PLLP: variants seen among roughly 807,000 people sequenced by gnomAD.
PLLP encodes the protein plasma membrane proteolipid (plasmolipin).
Under a neutral mutation model 19.7 loss-of-function variants are expected in PLLP, and 15 were observed. The observed-to-expected ratio is 0.76, with a 90% CI of 0.51 to 1.17. PLLP has a LOEUF of 1.17. Among genes scored for constraint, PLLP ranks in the 50% most tolerant of loss-of-function variants. The pLI, the probability that PLLP is intolerant of heterozygous loss-of-function variation, is 0.00. For missense variants in PLLP, 255 were observed against 258.3 expected, an observed-to-expected ratio of 0.99 and a Z score of 0.09; for synonymous variants, 111 against 116.3, an observed-to-expected ratio of 0.95 and a Z score of 0.29.
intron 3 of PLLP, among the ~76,000 whole-genome samples, chr16:57,258,042 G>A (rs911846231): frequency 6.6e-5 from 10 of 151,868 alleles, no homozygotes; most frequent in African/African-American, 2.2e-4. Context: ...TTAGCCAGGC[G>A]TGAGACTCCA....
At chr16:57,283,929 G>A (rs1201477649) in intron 1 of PLLP, among the ~76,000 whole-genome samples, 3 of 152,162 alleles carry the variant, frequency 2.0e-5, no homozygotes, top group Non-Finnish European at 2.9e-5. Context: ...CGCTGGGAGC[G>A]GGACAGAAGG....
intron 1 of PLLP, among the ~76,000 whole-genome samples, chr16:57,268,398 A>G (rs561149525): frequency 6.6e-6 from 1 of 152,266 alleles, no homozygotes; most frequent in South Asian, 2.1e-4. Flanking sequence ...CAACTTAACT[A>G]GCTGTGTGAC....
At position 57,256,239 on chromosome 16, in the gene PLLP, T is replaced by C. The variant is rs898625040; in HGVS notation, c.*674A>G. 1 of 392,558 alleles carries C rather than the reference T, an allele frequency of 2.5e-6. No individual in the cohort carries two copies. The highest frequency in any genetic ancestry group is 4.5e-6 in the Non-Finnish European group (1 of 222,962). The allele number at this position is 392,558 out of a possible 1,614,324, so 24.3% of individuals were successfully genotyped here. On this transcript the variant is annotated 3_prime_UTR_variant, in exon 4 of 4. Transcript: ENST00000219207. ...AGCAAGGTCGGGGAGGCACCGATGT[T>C]AGCTTCGCCCAAAGGGAGTATTACA...
At chr16:57,276,691 T>A (rs530605589) in intron 1 of PLLP, among the ~76,000 whole-genome samples, 2 of 151,944 alleles carry the variant, frequency 1.3e-5, no homozygotes, top group South Asian at 4.2e-4. Flanking sequence ...GTGTGTTAAA[T>A]CACCATGTTG....
At chr16:57,283,935 G>A (rs1597967756) in intron 1 of PLLP, among the ~76,000 whole-genome samples, 1 of 152,230 alleles carries the variant, frequency 6.6e-6, no homozygotes, top group Admixed American at 6.5e-5. Flanking sequence ...GAGCGGGACA[G>A]AAGGTGGTCA....
intron 1 of PLLP, among the ~76,000 whole-genome samples, chr16:57,277,481 C>A (rs1171797998): frequency 6.6e-6 from 1 of 152,114 alleles, no homozygotes; most frequent in African/African-American, 2.4e-5. Flanking sequence ...ATCCCAGCTA[C>A]TTAAGAGGCT....
At chr16:57,281,372 T>C (rs1470643572) in intron 1 of PLLP, among the ~76,000 whole-genome samples, 1 of 152,202 alleles carries the variant, frequency 6.6e-6, no homozygotes, top group Non-Finnish European at 1.5e-5. Flanking sequence ...GCCTGATAGA[T>C]GGGAGCTACC....
chr16:57,269,912 C>T (rs1297321107), intron 1 of PLLP, among the ~76,000 whole-genome samples: 1 of 152,004 alleles, frequency 6.6e-6, no homozygotes, highest in Non-Finnish European at 1.5e-5. Context: ...ATTACAGGTG[C>T]GTGCCACCAC....
chr16:57,284,345 C>T, intron 1 of PLLP, 61 bp downstream of exon 1: 1 of 1,280,598 alleles, frequency 7.8e-7, no homozygotes, highest in Non-Finnish European at 1.0e-6. Context: ...CGGAGTCCCT[C>T]ACCCATCCTG....
intron 1 of PLLP, 64 bp from the exon 2 acceptor site, chr16:57,262,134 A>C: frequency 6.6e-7 from 1 of 1,522,864 alleles, no homozygotes; most frequent in Non-Finnish European, 9.1e-7. Context: ...CTAGCTAAGA[A>C]ATACTGGCCA....
At chr16:57,258,355 C>G in intron 3 of PLLP, 107 bp downstream of exon 3, 1 of 1,163,624 alleles carries the variant, frequency 8.6e-7, no homozygotes, top group South Asian at 1.4e-5. Context: ...GTTCAGGTGA[C>G]AACCCCTCAG....
chr16:57,283,194 C>T (rs1181255809), intron 1 of PLLP, among the ~76,000 whole-genome samples: 1 of 152,182 alleles, frequency 6.6e-6, no homozygotes, highest in Non-Finnish European at 1.5e-5. Flanking sequence ...TCCGATTGCA[C>T]ATTTTTTTCC....
At position 57,258,595 on chromosome 16, in the gene PLLP, T is replaced by G. The variant is rs375832373; in HGVS notation, c.310-11A>C. On this transcript the variant is annotated splice_polypyrimidine_tract_variant and intron_variant, in intron 2 of 3. Coordinates refer to ENST00000219207, the MANE Select transcript of PLLP (RefSeq NM_015993.3). ...GTTAAAGATCATTAACTGCAGGACATGGGGGTAGGGAGTGGGGAGAGAAAA... is the reference window on the plus strand; with the variant it reads ...GTTAAAGATCATTAACTGCAGGACAGGGGGGTAGGGAGTGGGGAGAGAAAA... 6.2e-7 allele frequency: 1 copy of G among 1,611,120 alleles called. No homozygotes were observed. The highest frequency in any genetic ancestry group is 8.5e-7 in the Non-Finnish European group (1 of 1,179,342).
intron 1 of PLLP, among the ~76,000 whole-genome samples, chr16:57,269,238 G>T (rs1322116816): frequency 5.9e-5 from 9 of 152,204 alleles, no homozygotes; most frequent in Admixed American, 5.9e-4. Context: ...CCCAAAGGGA[G>T]GGGTTTGACC....
At chr16:57,283,120 A>T (rs907102553) in intron 1 of PLLP, among the ~76,000 whole-genome samples, 1 of 152,164 alleles carries the variant, frequency 6.6e-6, no homozygotes, top group African/African-American at 2.4e-5. Flanking sequence ...AAAGAGAAAC[A>T]AACAAAAAAC....
At chr16:57,269,442 C>G (rs534680654) in intron 1 of PLLP, among the ~76,000 whole-genome samples, 1 of 152,192 alleles carries the variant, frequency 6.6e-6, no homozygotes, top group Non-Finnish European at 1.5e-5. Context: ...GACACCTGCT[C>G]ACCTCACAGG....
At position 57,256,196 on chromosome 16, in the gene PLLP, C is replaced by T. The variant is rs1289387104; in HGVS notation, c.*717G>A. On this transcript the variant is annotated 3_prime_UTR_variant, in exon 4 of 4. Transcript: ENST00000219207. ...AGGCCTTGCTTCCCTCCCTCCTTTG[C>T]GTCCCATGTGCCTAGTCAGCAAGGT... 10 of 395,084 alleles carry T rather than the reference C, an allele frequency of 2.5e-5. No homozygotes were observed. The highest frequency in any genetic ancestry group is 4.4e-5 in the Admixed American group (1 of 22,632). The allele number at this position is 395,084 out of a possible 1,614,324, so 24.5% of individuals were successfully genotyped here.
chr16:57,277,796 G>T (rs1240552074), intron 1 of PLLP, among the ~76,000 whole-genome samples: 1 of 152,172 alleles, frequency 6.6e-6, no homozygotes. Flanking sequence ...ACTCACCCTG[G>T]AATGAGACAC....
chr16:57,282,796 C>A (rs1901235341), intron 1 of PLLP, among the ~76,000 whole-genome samples: 1 of 152,188 alleles, frequency 6.6e-6, no homozygotes, highest in Non-Finnish European at 1.5e-5. Context: ...GCCCTTGGAA[C>A]ACCCTTTCCC....
Sources: allele counts gnomAD v4.1 joint callset (sites outside exome capture counted in the v4.1 genomes callset), GRCh38; gene constraint gnomAD v4.1.1; transcripts MANE v1.5; gene names NCBI Gene and HGNC (gene_info 2026-07-23, HGNC 2026-07-21).